Variants in DNAH12 observed in about 807,000 individuals in gnomAD.
DNAH12 encodes the protein dynein axonemal heavy chain 12.
Under a neutral mutation model 371.5 loss-of-function variants are expected in DNAH12, and 285 were observed. The observed-to-expected ratio is 0.77, with a 90% confidence interval of 0.70 to 0.85. The LOEUF (loss-of-function observed/expected upper bound fraction) is 0.85, where lower values mean the gene tolerates loss of function less well. Among genes scored for constraint, DNAH12 ranks in the 40% least tolerant of loss-of-function variants. DNAH12 has a pLI of 0.00. For missense variants in DNAH12, 3,611 were observed against 3,689.4 expected (o/e 0.98, Z 0.55); for synonymous variants, 1,200 against 1,213.0 (o/e 0.99, Z 0.22).
intron 35 of DNAH12, among the ~76,000 whole-genome samples, chr3:57,423,923 G>C (rs889394815): frequency 6.6e-6 from 1 of 151,842 alleles, no homozygotes; most frequent in African/African-American, 2.4e-5. Context: ...ATTTATAGTA[G>C]GGATGGGGTT....
chr3:57,337,199 TAAC>T (rs1256133644), intron 60 of DNAH12, among the ~76,000 whole-genome samples: 1 of 152,044 alleles, frequency 6.6e-6, no homozygotes, highest in Non-Finnish European at 1.5e-5. Flanking sequence ...CAAGAGAATA[TAAC>T]AATTATAAAA....
intron 19 of DNAH12, 110 bp from the exon 20 acceptor site, chr3:57,459,896 T>C: frequency 1.0e-6 from 1 of 958,700 alleles, no homozygotes; most frequent in South Asian, 4.2e-5. Context: ...AGTGCAAACA[T>C]CTCACAGCTT....
intron 51 of DNAH12, among the ~76,000 whole-genome samples, chr3:57,380,021 C>T (rs1362873202): frequency 6.6e-6 from 1 of 151,902 alleles, no homozygotes; most frequent in African/African-American, 2.4e-5. Context: ...CATAACAAGA[C>T]ATTTAGACAA....
At chr3:57,448,166 G>A (rs141788713) in intron 25 of DNAH12, among the ~76,000 whole-genome samples, 3,660 of 152,286 alleles carry the variant, frequency 0.024, 67 homozygotes, top group Non-Finnish European at 0.034. Flanking sequence ...GAATGAAGCC[G>A]CGGACCCTCG....
chr3:57,444,874 T>C, intron 28 of DNAH12, 58 bp from the exon 29 acceptor site: 1 of 1,511,106 alleles, frequency 6.6e-7, no homozygotes, highest in East Asian at 2.5e-5. Context: ...CAACCCCACT[T>C]CTCCCTCCCC....
rs553847967 is a variant in DNAH12 at position 57,540,341 on chromosome 3, G to A, written c.170+2360C>T. Among the ~76,000 whole-genome samples the A allele has an allele frequency of 1.2e-4, 18 of 152,156 alleles. No individual in the cohort carries two copies. In the South Asian group the frequency reaches 3.1e-3, roughly 26 times the overall value. The stretch of plus-strand genomic sequence containing the variant: ...GCTGGGATTACAGGTGTAAGCCACC[G>A]TCTGTTGTGTTTTCTATGGTCTCCT... On this transcript the variant is annotated intron_variant, in intron 2 of 73. Coordinates refer to ENST00000495027, the MANE Select transcript of DNAH12 (RefSeq NM_001366028.2).
chr3:57,547,461 GTACA>G (rs925040598), upstream of DNAH12, among the ~76,000 whole-genome samples: 6 of 152,040 alleles, frequency 3.9e-5, no homozygotes, highest in Non-Finnish European at 5.9e-5. Context: ...CCTGGCCGAT[GTACA>G]TCCTTTTTAA....
intron 69 of DNAH12, among the ~76,000 whole-genome samples, chr3:57,303,339 CAA>C (rs1310949192): frequency 8.1e-5 from 5 of 61,400 alleles, no homozygotes; most frequent in African/African-American, 1.1e-4. Flanking sequence ...GACGCCAGCT[CAA>C]AAAAAAAAAA....
In DNAH12 at chr3:57,446,138, C is replaced by T. The variant is rs2065488330; in HGVS notation, c.4072G>A (p.Val1358Met). The change falls in exon 27 of 74, where the codon GTG (valine) becomes ATG (methionine). Residue 1358 changes from valine to methionine, a missense_variant. This residue lies in a region of DNAH12 where 2,266 missense variants were observed against 2,236.9 expected (regional missense o/e 1.01). Transcript: ENST00000495027. ...IQRAIQQKLV[V>M]FVFEGTELKL... ...AGTTCTGTCCCTTCAAAAACAAACACAACCAACTTCTGTTGAATAGCTCTC... is the reference window on the plus strand; with the variant it reads ...AGTTCTGTCCCTTCAAAAACAAACATAACCAACTTCTGTTGAATAGCTCTC... 6.4e-7 allele frequency: 1 copy of T among 1,551,636 alleles called. No individual in the cohort carries two copies. Among genetic ancestry groups the T allele is most frequent in the Non-Finnish European group, 8.7e-7 (1 of 1,146,982 alleles).
intron 62 of DNAH12, among the ~76,000 whole-genome samples, chr3:57,327,586 A>G (rs1414284278): frequency 8.5e-4 from 130 of 152,256 alleles, no homozygotes; most frequent in African/African-American, 2.7e-3. Context: ...TTATAGCACT[A>G]AATGCCCACA....
intron 35 of DNAH12, among the ~76,000 whole-genome samples, chr3:57,424,790 C>CAA (rs66686551): frequency 1.2e-3 from 153 of 125,060 alleles, no homozygotes; most frequent in African/African-American, 3.8e-3. Context: ...GCCCTGTCTC[C>CAA]AAAAAAAAAA....
chr3:57,478,946 A>G lies in DNAH12; in HGVS notation c.1650+4430T>C, dbSNP rs546869643. Among the ~76,000 whole-genome samples, 21 of 152,348 alleles carry G rather than the reference A, an allele frequency of 1.4e-4. No homozygotes were observed. In the East Asian group the frequency reaches 3.9e-3, roughly 28 times the overall value. Reference sequence around the variant, plus strand: ...GAAGCGCTAAACATGGAAAGGAACAATCAGTACCAGCCACTGCAAAAACGT... The same window carrying G: ...GAAGCGCTAAACATGGAAAGGAACAGTCAGTACCAGCCACTGCAAAAACGT... On this transcript the variant is annotated intron_variant, in intron 13 of 73. Coordinates refer to ENST00000495027, the MANE Select transcript of DNAH12 (RefSeq NM_001366028.2).
intron 2 of DNAH12, among the ~76,000 whole-genome samples, chr3:57,526,845 T>C (rs139341380): frequency 9.7e-4 from 138 of 142,492 alleles, no homozygotes; most frequent in African/African-American, 3.5e-3. Flanking sequence ...TGTTGTTGTT[T>C]TGTTTTGAGA....
intron 32 of DNAH12, among the ~76,000 whole-genome samples, chr3:57,431,243 T>TAC (rs1194095750): frequency 6.6e-6 from 1 of 152,128 alleles, no homozygotes; most frequent in East Asian, 1.9e-4. Flanking sequence ...CACTCAACAG[T>TAC]ACTCAGTGAT....
chr3:57,441,088 G>A (rs181428923), intron 29 of DNAH12, among the ~76,000 whole-genome samples: 64 of 152,230 alleles, frequency 4.2e-4, no homozygotes, highest in African/African-American at 1.4e-3. Flanking sequence ...ACTCATAGAT[G>A]ACCCAGATGT....
chr3:57,519,606 G>T, intron 4 of DNAH12: 2 of 936,882 alleles, frequency 2.1e-6, no homozygotes, highest in South Asian at 1.3e-5. Context: ...CCTTTGAAGG[G>T]CACTTGATAA....
At chr3:57,399,912 T>C (rs2063822346) in intron 43 of DNAH12, among the ~76,000 whole-genome samples, 2 of 152,228 alleles carry the variant, frequency 1.3e-5, no homozygotes, top group African/African-American at 4.8e-5. Context: ...ACATACAAAA[T>C]ACATGTTAAT....
Position 57,508,426 on chromosome 3 carries a change from A to T in DNAH12, c.657T>A (p.Tyr219Ter), listed in dbSNP as rs2067856124. 1 of 1,610,436 alleles carries T rather than the reference A, an allele frequency of 6.2e-7. No homozygotes were observed. The highest frequency in any genetic ancestry group is 1.1e-5 in the South Asian group (1 of 89,792). The change falls in exon 7 of 74, where the codon TAT becomes TAA. Residue 219 changes from tyrosine to a stop codon, truncating the protein, a stop_gained. Transcript: ENST00000495027. LOFTEE classifies it high-confidence loss of function. ...ACAAAACTGTATCAGCAAATGTTGT[A>T]TAACCAAGGTCCAGTAACATTTTCA... ...PTMKMLLDLG[Y>*]TTFADTVLLD...
intron 13 of DNAH12, among the ~76,000 whole-genome samples, chr3:57,481,435 G>T (rs2066738620): frequency 1.3e-5 from 2 of 152,010 alleles, no homozygotes; most frequent in Non-Finnish European, 2.9e-5. Flanking sequence ...ACAAACAAAT[G>T]GAAGAACATT....
Sources: allele counts gnomAD v4.1 joint callset (sites outside exome capture counted in the v4.1 genomes callset), GRCh38; gene constraint gnomAD v4.1.1; regional missense constraint gnomAD v4.1.1; transcripts MANE v1.5; gene names NCBI Gene and HGNC (gene_info 2026-07-23, HGNC 2026-07-21).